The following GRM5 variants were observed in gnomAD, a reference collection of about 807,000 sequenced individuals.
The protein encoded by GRM5 is glutamate metabotropic receptor 5, also known as metabotropic glutamate receptor 5.
Under a neutral mutation model 83.1 loss-of-function variants are expected in GRM5, and 19 were observed. That is an observed-to-expected ratio of 0.23 (90% CI 0.16 to 0.34). The LOEUF (loss-of-function observed/expected upper bound fraction) is 0.34, where lower values mean the gene tolerates loss of function less well. Among genes scored for constraint, GRM5 ranks in the 10% least tolerant of loss-of-function variants. GRM5 has a pLI of 1.00. For synonymous variants in GRM5, 675 were observed against 633.6 expected (o/e 1.07, Z -0.98); for missense variants, 1,160 against 1,588.3 (o/e 0.73, Z 4.58).
chr11:88,802,691 T>C (rs969364241), intron 3 of GRM5, among the ~76,000 whole-genome samples: 1 of 151,508 alleles, frequency 6.6e-6, no homozygotes, highest in Admixed American at 6.6e-5. Context: ...CCAGGGCAAT[T>C]AGGCAGGAGA....
chr11:88,709,123 C>T (rs535569999), intron 3 of GRM5, among the ~76,000 whole-genome samples: 1 of 151,992 alleles, frequency 6.6e-6, no homozygotes, highest in South Asian at 2.1e-4. Context: ...TTCTGGTGCT[C>T]TTGGCAGGGC....
At chr11:88,640,878 T>C (rs1034198756) in intron 4 of GRM5, among the ~76,000 whole-genome samples, 4 of 152,278 alleles carry the variant, frequency 2.6e-5, no homozygotes, top group Admixed American at 1.3e-4. Flanking sequence ...GAACCCTCTC[T>C]CTTTGTAATT....
At chr11:88,944,942 T>C (rs551169246) in intron 2 of GRM5, among the ~76,000 whole-genome samples, 2 of 152,146 alleles carry the variant, frequency 1.3e-5, no homozygotes, top group Admixed American at 6.6e-5. Context: ...GTGGATGAGA[T>C]GATCCTATGT....
At chr11:88,925,098 CATAG>C (rs1274153842) in intron 2 of GRM5, among the ~76,000 whole-genome samples, 2 of 151,726 alleles carry the variant, frequency 1.3e-5, no homozygotes, top group Non-Finnish European at 2.9e-5. Context: ...GTTGTTGAAA[CATAG>C]ATAGATACCA....
At position 88,508,203 on chromosome 11, in the gene GRM5, A is replaced by G; in HGVS notation, c.*389T>C. ...AAAGACTCTTCTGGGAAAAGAATTA[A>G]AGTAAACAAATAAAACTTTTTACAG... On this transcript the variant is annotated 3_prime_UTR_variant, in exon 10 of 10. Coordinates refer to ENST00000305447, the MANE Select transcript of GRM5 (RefSeq NM_001143831.3). The surrounding 1 kb of genome is among the most constrained non-coding windows in gnomAD (Gnocchi z 4.2). 6.3e-6 allele frequency: 1 copy of G among 157,634 alleles called. No individual in the cohort carries two copies. The highest frequency in any genetic ancestry group is 1.4e-5 in the Non-Finnish European group (1 of 71,556). 9.8% of individuals were successfully genotyped at this position (157,634 alleles called of 1,614,324 possible).
intron 9 of GRM5, among the ~76,000 whole-genome samples, chr11:88,522,601 CTCTGTG>C (rs747132843): frequency 0.02 from 1,905 of 93,484 alleles, 26 homozygotes; most frequent in Admixed American, 0.1. Context: ...CTCTCTCTCT[CTCTGTG>C]TGTGTGTGTG....
At chr11:88,752,850 AT>A (rs1458782729) in intron 3 of GRM5, among the ~76,000 whole-genome samples, 2 of 152,356 alleles carry the variant, frequency 1.3e-5, no homozygotes, top group African/African-American at 4.8e-5. Context: ...AAAAACAGTA[AT>A]GGTGAAAAGA....
At position 88,667,824 on chromosome 11, in the gene GRM5, C is replaced by T. The variant is rs542045362; in HGVS notation, c.912-14421G>A. Among the ~76,000 whole-genome samples the T allele has an allele frequency of 1.4e-4, 21 of 151,422 alleles. 1 individual carries two copies. The South Asian group carries it at 3.7e-3, about 27-fold the overall frequency. Reference sequence around the variant, plus strand: ...AGGAAAATCGCTTGAACCTGGTAGGCGGATGCTGCAGTGAGCCGAGATTGA... The same window carrying T: ...AGGAAAATCGCTTGAACCTGGTAGGTGGATGCTGCAGTGAGCCGAGATTGA... On this transcript the variant is annotated intron_variant, in intron 3 of 9. Coordinates refer to ENST00000305447, the MANE Select transcript of GRM5 (RefSeq NM_001143831.3).
At chr11:88,920,831 A>C (rs2135628159) in intron 2 of GRM5, among the ~76,000 whole-genome samples, 1 of 152,310 alleles carries the variant, frequency 6.6e-6, no homozygotes. Context: ...GTTCTCTGAG[A>C]GCCCAGTGAC....
intron 4 of GRM5, among the ~76,000 whole-genome samples, chr11:88,635,021 G>A (rs560160402): frequency 3.9e-5 from 6 of 152,242 alleles, no homozygotes; most frequent in African/African-American, 1.4e-4. Context: ...TTGGTGGGGA[G>A]GAAGGGCACG....
chr11:88,749,240 G>A (rs1942211682), intron 3 of GRM5, among the ~76,000 whole-genome samples: 2 of 152,154 alleles, frequency 1.3e-5, no homozygotes, highest in Non-Finnish European at 2.9e-5. Flanking sequence ...CCAGTTTAGA[G>A]AGAAACATAA....
chr11:88,990,125 A>T (rs1939911943), intron 2 of GRM5, among the ~76,000 whole-genome samples: 1 of 146,208 alleles, frequency 6.8e-6, no homozygotes, highest in Non-Finnish European at 1.5e-5. Flanking sequence ...CAAGACTAAT[A>T]AAGAAAAAAA....
chr11:88,637,330 T>C (rs1026251295), intron 4 of GRM5, among the ~76,000 whole-genome samples: 2 of 151,264 alleles, frequency 1.3e-5, no homozygotes, highest in Non-Finnish European at 3.0e-5. Flanking sequence ...AAAGAGCTTC[T>C]GCACAGCAAA....
rs267603229 is a variant in GRM5, at chr11:88,509,410, C to T, written c.2821G>A (p.Glu941Lys). 6.2e-7 allele frequency: 1 copy of T among 1,612,790 alleles called. No homozygotes were observed. The highest frequency in any genetic ancestry group is 8.5e-7 in the Non-Finnish European group (1 of 1,179,880). The change falls in exon 10 of 10, where the codon GAA (glutamate) becomes AAA (lysine). Residue 941 changes from glutamate (E) to lysine (K), a missense_variant. Physicochemically the swap from Glu to Lys is moderately conservative, Grantham distance 56. This residue lies in a region of GRM5 where 562 missense variants were observed against 532.4 expected (regional missense o/e 1.06). Transcript: ENST00000305447. ...QRLSIHINKK[E>K]NPNQTAVIKP... is the part of the protein sequence containing the mutation. ...ATGACGGCCGTTTGGTTGGGGTTTT[C>T]TTTCTTGTTGATGTGGATGGACAGG...
At chr11:88,845,732 C>A (rs1421124443) in intron 3 of GRM5, among the ~76,000 whole-genome samples, 1 of 151,648 alleles carries the variant, frequency 6.6e-6, no homozygotes, top group African/African-American at 2.4e-5. Flanking sequence ...CGCGCCCCCC[C>A]CCACTTTTTA....
intron 2 of GRM5, among the ~76,000 whole-genome samples, chr11:88,877,571 G>A (rs550286245): frequency 6.6e-6 from 1 of 152,118 alleles, no homozygotes; most frequent in South Asian, 2.1e-4. Flanking sequence ...CCAGCACTTT[G>A]GGAGGCCAAA....
At position 88,964,626 on chromosome 11, in the gene GRM5, T is replaced by C. The variant is rs188161214; in HGVS notation, c.661+82586A>G. On this transcript the variant is annotated intron_variant, in intron 2 of 9. Transcript: ENST00000305447. Reference sequence around the variant, plus strand: ...AAAATTATTGACTGACAACAAAGCATGTATCCAAGAAGTTGAGAACAAAAA... The same window carrying C: ...AAAATTATTGACTGACAACAAAGCACGTATCCAAGAAGTTGAGAACAAAAA... Among the ~76,000 whole-genome samples, 44 of 152,214 alleles carry C rather than the reference T, an allele frequency of 2.9e-4. No individual in the cohort carries two copies. The Middle Eastern group carries it at 0.01, about 35-fold the overall frequency.
intron 2 of GRM5, among the ~76,000 whole-genome samples, chr11:88,887,305 GA>G (rs1331805719): frequency 1.3e-5 from 2 of 152,140 alleles, no homozygotes; most frequent in African/African-American, 2.4e-5. Flanking sequence ...AAGTTAACCA[GA>G]ACCATTCTCT....
At chr11:89,038,409 C>A (rs1473935467) in intron 2 of GRM5, among the ~76,000 whole-genome samples, 4 of 152,122 alleles carry the variant, frequency 2.6e-5, no homozygotes, top group African/African-American at 9.7e-5. Context: ...CATTATTTAA[C>A]AATATATCCT....
Sources: allele counts gnomAD v4.1 joint callset (sites outside exome capture counted in the v4.1 genomes callset), GRCh38; gene constraint gnomAD v4.1.1; regional missense constraint gnomAD v4.1.1; non-coding constraint Gnocchi (gnomAD v3.1); transcripts MANE v1.5; gene names NCBI Gene and HGNC (gene_info 2026-07-23, HGNC 2026-07-21).